The following ANKRD13C variants were observed in gnomAD, a reference collection of about 807,000 sequenced individuals.
ANKRD13C encodes the protein ankyrin repeat domain 13C.
A neutral mutation model predicts 65.5 loss-of-function variants in ANKRD13C; 16 were observed. The observed-to-expected ratio is 0.24, with a 90% CI of 0.17 to 0.37. The LOEUF is 0.37. Ranked by LOEUF, ANKRD13C falls within the 10% of genes least tolerant of loss-of-function variation. ANKRD13C has a pLI of 1.00. For missense variants in ANKRD13C, 503 were observed against 655.9 expected (o/e 0.77, Z 2.55); for synonymous variants, 235 against 238.7 (o/e 0.98, Z 0.14).
intron 4 of ANKRD13C, 94 bp from the exon 5 acceptor site, chr1:70,313,884 A>C: frequency 1.2e-6 from 1 of 822,132 alleles, no homozygotes. Flanking sequence ...ATTATAATAC[A>C]TGCATTACTA....
At chr1:70,322,227 G>A (rs530992505) in intron 3 of ANKRD13C, among the ~76,000 whole-genome samples, 6 of 151,524 alleles carry the variant, frequency 4.0e-5, no homozygotes, top group East Asian at 1.9e-4. Context: ...GCTTGAACTC[G>A]GTCTCAAAAA....
chr1:70,299,827 C>T (rs1273760600), intron 7 of ANKRD13C, among the ~76,000 whole-genome samples: 1 of 152,166 alleles, frequency 6.6e-6, no homozygotes, highest in East Asian at 1.9e-4. Flanking sequence ...TAAGCCTCTA[C>T]TCAGAACTGT....
chr1:70,288,337 A>G (rs1679711257), intron 9 of ANKRD13C, among the ~76,000 whole-genome samples: 1 of 152,204 alleles, frequency 6.6e-6, no homozygotes, highest in Non-Finnish European at 1.5e-5. Flanking sequence ...TCTCTTACAA[A>G]ACTAAACATT....
chr1:70,341,368 T>G (rs1466971713), intron 1 of ANKRD13C, among the ~76,000 whole-genome samples: 1 of 149,586 alleles, frequency 6.7e-6, no homozygotes. Flanking sequence ...TGTGTGTTTT[T>G]TTTTTTTTTT....
At position 70,347,091 on chromosome 1, in the gene ANKRD13C, C is replaced by CAA. The variant is rs35972712; in HGVS notation, c.430+6886_430+6887dup. 9.1e-3 allele frequency among the ~76,000 whole-genome samples: 331 copies of CAA among 36,354 alleles called. 29 individuals carry two copies. The highest frequency in any genetic ancestry group is 0.04 in the Admixed American group (104 of 2,616). 23.8% of individuals were successfully genotyped at this position (36,354 alleles called of 152,430 possible). A position where few individuals can be genotyped will look rare whatever the true frequency, so the allele number is the denominator to read the frequency against. ...TTGGTGACAGAGCGAGGCTCCGTCTCAAAAAAAAAAAAAAAAAAAAAAAAA... is the reference window on the plus strand; with the variant it reads ...TTGGTGACAGAGCGAGGCTCCGTCTCAAAAAAAAAAAAAAAAAAAAAAAAAAA... On this transcript the variant is annotated intron_variant, in intron 1 of 12. Transcript: ENST00000370944.
Position 70,322,509 on chromosome 1 carries a change from T to A in ANKRD13C, c.577+2344A>T, listed in dbSNP as rs143830303. Among the ~76,000 whole-genome samples, 3 of 152,336 alleles carry A rather than the reference T, an allele frequency of 2.0e-5. No homozygotes were observed. The East Asian group carries it at 5.8e-4, about 29-fold the overall frequency. ...ACTTTAAGAACAGACCTCAACTATC[T>A]GAGCCTCAATCTTTTACCTTTAAAT... On this transcript the variant is annotated intron_variant, in intron 3 of 12. Transcript: ENST00000370944.
intron 11 of ANKRD13C, among the ~76,000 whole-genome samples, chr1:70,274,084 T>C (rs1453185597): frequency 2.0e-5 from 3 of 152,238 alleles, no homozygotes; most frequent in East Asian, 1.9e-4. Context: ...TCATTAACTA[T>C]TGATGTGTTA....
intron 10 of ANKRD13C, 140 bp downstream of exon 10, chr1:70,276,625 A>C (rs1002168544): frequency 1.4e-6 from 1 of 706,194 alleles, no homozygotes; most frequent in African/African-American, 1.8e-5. Context: ...CATATTTTTA[A>C]AAGGTAGAAG....
At chr1:70,298,030 G>T (rs1267365377) in intron 7 of ANKRD13C, among the ~76,000 whole-genome samples, 1 of 151,998 alleles carries the variant, frequency 6.6e-6, no homozygotes, top group Non-Finnish European at 1.5e-5. Flanking sequence ...TGGTGTTACT[G>T]CTAAAGCCAT....
intron 1 of ANKRD13C, among the ~76,000 whole-genome samples, chr1:70,337,168 C>CAT (rs1227942671): frequency 6.6e-6 from 1 of 151,876 alleles, no homozygotes; most frequent in Non-Finnish European, 1.5e-5. Context: ...CACACACACA[C>CAT]ACACACACAC....
chr1:70,267,686 TTC>T (rs1270490903), intron 12 of ANKRD13C, among the ~76,000 whole-genome samples: 46 of 152,334 alleles, frequency 3.0e-4, no homozygotes, highest in African/African-American at 1.0e-3. Flanking sequence ...TGTTCTTCAT[TTC>T]TCTGTTTTCT....
At chr1:70,315,383 T>C (rs1366582537) in intron 4 of ANKRD13C, 98 bp downstream of exon 4, 2 of 1,030,798 alleles carry the variant, frequency 1.9e-6, no homozygotes, top group African/African-American at 3.2e-5. Context: ...TTTTGGCCCC[T>C]AATAAGTGAG....
chr1:70,307,183 C>T (rs1241362835), intron 5 of ANKRD13C, among the ~76,000 whole-genome samples: 1 of 152,092 alleles, frequency 6.6e-6, no homozygotes, highest in African/African-American at 2.4e-5. Context: ...AAATTAAAGG[C>T]TAATTTCTTA....
intron 6 of ANKRD13C, among the ~76,000 whole-genome samples, chr1:70,304,716 A>G (rs1260419277): frequency 6.6e-6 from 1 of 152,154 alleles, no homozygotes; most frequent in Non-Finnish European, 1.5e-5. Flanking sequence ...AACTTTTTAA[A>G]CTATCACATG....
intron 11 of ANKRD13C, among the ~76,000 whole-genome samples, chr1:70,272,988 A>G (rs1359636315): frequency 6.7e-6 from 1 of 149,010 alleles, no homozygotes; most frequent in African/African-American, 2.5e-5. Context: ...ACTCTGTCTC[A>G]AAAAATAAAT....
At chr1:70,274,863 C>T (rs935448661) in intron 10 of ANKRD13C, 45 bp from the exon 11 acceptor site, 3 of 1,172,250 alleles carry the variant, frequency 2.6e-6, no homozygotes, top group East Asian at 2.3e-5. Context: ...TTTCCATAGT[C>T]TATCACCTTC....
chr1:70,301,371 T>C (rs1680348956), intron 6 of ANKRD13C, among the ~76,000 whole-genome samples: 1 of 152,194 alleles, frequency 6.6e-6, no homozygotes, highest in South Asian at 2.1e-4. Context: ...CAGACCTGTC[T>C]GACATTATTC....
At chr1:70,310,246 T>A (rs1680792647) in intron 5 of ANKRD13C, among the ~76,000 whole-genome samples, 1 of 152,228 alleles carries the variant, frequency 6.6e-6, no homozygotes, top group South Asian at 2.1e-4. Flanking sequence ...CAGTATTTCT[T>A]GGCTTCCCCT....
At chr1:70,321,037 T>C (rs1681285239) in intron 3 of ANKRD13C, among the ~76,000 whole-genome samples, 1 of 152,208 alleles carries the variant, frequency 6.6e-6, no homozygotes. Flanking sequence ...CCCAAAGCGC[T>C]GGGGTTACTG....
Sources: gnomAD v4.1 joint callset for allele counts (sites outside exome capture counted in the v4.1 genomes callset) on GRCh38, gnomAD v4.1.1 for gene constraint, MANE v1.5 for transcripts, NCBI Gene and HGNC (gene_info 2026-07-23, HGNC 2026-07-21) for gene names.